The following ITM2B variants were observed in gnomAD, a reference collection of about 807,000 sequenced individuals.
ITM2B encodes the protein integral membrane protein 2B.
A neutral mutation model predicts 27.8 loss-of-function variants in ITM2B; 11 were observed. The ratio of observed to expected loss-of-function variants is 0.40; its 90% confidence interval spans 0.25 to 0.66. ITM2B has a LOEUF of 0.66. Among genes scored for constraint, ITM2B ranks in the 30% least tolerant of loss-of-function variants. The probability of loss-of-function intolerance (pLI) is 0.43; values close to 1 mark genes in which losing one functional copy is unlikely to be tolerated. For synonymous variants in ITM2B, 114 were observed against 114.3 expected (o/e 1.00, Z 0.02); for missense variants, 296 against 328.9 (o/e 0.90, Z 0.77).
At chr13:48,238,236 AAC>A (rs1377365088) in intron 1 of ITM2B, among the ~76,000 whole-genome samples, 1 of 151,966 alleles carries the variant, frequency 6.6e-6, no homozygotes, top group Non-Finnish European at 1.5e-5. Context: ...TAGTACTTAC[AAC>A]ACATATTTTT....
chr13:48,243,869 C>T (rs1323906775), intron 1 of ITM2B, among the ~76,000 whole-genome samples: 1 of 151,910 alleles, frequency 6.6e-6, no homozygotes, highest in African/African-American at 2.4e-5. Flanking sequence ...TAAAAAAAAT[C>T]AGGCTATGTG....
intron 1 of ITM2B, among the ~76,000 whole-genome samples, chr13:48,239,091 CT>C (rs1951685213): frequency 6.6e-6 from 1 of 152,154 alleles, no homozygotes; most frequent in Non-Finnish European, 1.5e-5. Flanking sequence ...CATTTTTATG[CT>C]GGGGAAAATG....
intron 1 of ITM2B, among the ~76,000 whole-genome samples, chr13:48,241,295 TC>T (rs1951698893): frequency 1.3e-5 from 2 of 152,196 alleles, no homozygotes; most frequent in African/African-American, 4.8e-5. Context: ...CACTGCAACT[TC>T]CGCCTCCCAG....
At chr13:48,257,209 T>G (rs1022978778) in intron 3 of ITM2B, among the ~76,000 whole-genome samples, 2 of 152,244 alleles carry the variant, frequency 1.3e-5, no homozygotes, top group African/African-American at 4.8e-5. Context: ...TTTATTATGC[T>G]GTACTCACCT....
intron 1 of ITM2B, among the ~76,000 whole-genome samples, chr13:48,253,298 G>T (rs533215675): frequency 6.6e-6 from 1 of 152,112 alleles, no homozygotes; most frequent in African/African-American, 2.4e-5. Flanking sequence ...TTATTTTCCT[G>T]TAATTTTTTC....
At chr13:48,244,985 T>C (rs1469195505) in intron 1 of ITM2B, among the ~76,000 whole-genome samples, 1 of 152,212 alleles carries the variant, frequency 6.6e-6, no homozygotes, top group Non-Finnish European at 1.5e-5. Flanking sequence ...CCAGTGCCTT[T>C]TACTCACCAA....
intron 4 of ITM2B, 22 bp from the exon 5 acceptor site, chr13:48,258,775 A>T: frequency 6.2e-7 from 1 of 1,609,680 alleles, no homozygotes; most frequent in Non-Finnish European, 8.5e-7. Context: ...TAGTCATGTC[A>T]TGTATTCTTT....
chr13:48,260,845 T>A (rs1452210841), intron 5 of ITM2B, among the ~76,000 whole-genome samples: 2 of 152,126 alleles, frequency 1.3e-5, no homozygotes, highest in Admixed American at 6.6e-5. Flanking sequence ...CACAAGGTCT[T>A]GCAAGCACCA....
In ITM2B at chr13:48,263,934, T is replaced by C. The variant is rs750615091; in HGVS notation, c.*2710T>C. 9 of 152,130 alleles carry C rather than the reference T, an allele frequency of 5.9e-5. No homozygotes were observed. The highest frequency in any genetic ancestry group is 1.2e-4 in the Non-Finnish European group (8 of 68,022). The allele number at this position is 152,130 out of a possible 1,614,324, so 9.4% of individuals were successfully genotyped here. On this transcript the variant is annotated 3_prime_UTR_variant, in exon 6 of 6. Transcript: ENST00000647800. ...ATTCAAACCATAGCAAGTTCCATAA[T>C]GCACCCCATCATATGTGTGTGTGTG...
intron 1 of ITM2B, among the ~76,000 whole-genome samples, chr13:48,235,876 C>T (rs894015104): frequency 6.6e-6 from 1 of 152,208 alleles, no homozygotes; most frequent in Non-Finnish European, 1.5e-5. Flanking sequence ...AAAATGTGCT[C>T]TTAGGGACCA....
intron 2 of ITM2B, among the ~76,000 whole-genome samples, chr13:48,255,284 C>T (rs1318993357): frequency 6.6e-6 from 1 of 151,662 alleles, no homozygotes; most frequent in Non-Finnish European, 1.5e-5. Flanking sequence ...CGCACGTGTA[C>T]ATGTACTGTG....
chr13:48,238,917 T>C lies in ITM2B; in HGVS notation c.117+5440T>C, dbSNP rs1219562423. Among the ~76,000 whole-genome samples the C allele has an allele frequency of 2.0e-5, 3 of 152,322 alleles. No individual in the cohort carries two copies. In the East Asian group the frequency reaches 5.8e-4, roughly 29 times the overall value. On this transcript the variant is annotated intron_variant, in intron 1 of 5. Transcript: ENST00000647800. ...GAGCAGTCAAGATGCAAATTATTTT[T>C]AAAAGTTGTTTGTTTTCAGAATGAG...
chr13:48,257,658 T>C (rs1273076800), intron 3 of ITM2B, among the ~76,000 whole-genome samples: 1 of 152,200 alleles, frequency 6.6e-6, no homozygotes, highest in Non-Finnish European at 1.5e-5. Context: ...AACCGTTCTA[T>C]GAGACAGTCT....
chr13:48,256,526 C>T, intron 3 of ITM2B, 143 bp downstream of exon 3: 1 of 693,390 alleles, frequency 1.4e-6, no homozygotes, highest in Non-Finnish European at 2.5e-6. Flanking sequence ...TCTGCTATGT[C>T]TGAAGCAGAC....
rs9332264 is a variant in ITM2B, at chr13:48,247,151, G to A, written c.118-6657G>A. On this transcript the variant is annotated intron_variant, in intron 1 of 5. Coordinates refer to ENST00000647800, the MANE Select transcript of ITM2B (RefSeq NM_021999.5). Reference sequence around the variant, plus strand: ...GGGAAATCCTAGTTTTTAAAAGTGCGAATCACTAAATTTTTTTAATGTCCC... The same window carrying A: ...GGGAAATCCTAGTTTTTAAAAGTGCAAATCACTAAATTTTTTTAATGTCCC... Among the ~76,000 whole-genome samples the A allele has an allele frequency of 5.3e-5, 8 of 152,154 alleles. No individual in the cohort carries two copies. The South Asian group carries it at 1.0e-3, about 20-fold the overall frequency.
At chr13:48,233,914 C>T (rs1043468428) in intron 1 of ITM2B, among the ~76,000 whole-genome samples, 6 of 152,176 alleles carry the variant, frequency 3.9e-5, no homozygotes, top group African/African-American at 1.4e-4. Flanking sequence ...CTGTTGTTTC[C>T]CACTTTCGTT....
At position 48,249,100 on chromosome 13, in the gene ITM2B, C is replaced by G. The variant is rs535785725; in HGVS notation, c.118-4708C>G. On this transcript the variant is annotated intron_variant, in intron 1 of 5. Transcript: ENST00000647800. ...GTATAAAGTCATATATCCACCCCAACAATCAAGATACGAAAGATTTCCATC... is the reference window on the plus strand; with the variant it reads ...GTATAAAGTCATATATCCACCCCAAGAATCAAGATACGAAAGATTTCCATC... Among the ~76,000 whole-genome samples the G allele has an allele frequency of 7.9e-5, 12 of 152,308 alleles. No individual in the cohort carries two copies. The South Asian group carries it at 2.5e-3, about 32-fold the overall frequency.
chr13:48,260,315 A>C (rs761384163), intron 5 of ITM2B, among the ~76,000 whole-genome samples: 1 of 152,188 alleles, frequency 6.6e-6, no homozygotes, highest in Non-Finnish European at 1.5e-5. Flanking sequence ...GTACATGTGC[A>C]TGTGTCTTTA....
intron 1 of ITM2B, among the ~76,000 whole-genome samples, chr13:48,252,968 A>G (rs977553845): frequency 1.3e-5 from 2 of 152,208 alleles, no homozygotes; most frequent in African/African-American, 4.8e-5. Flanking sequence ...GGGAGGGAAT[A>G]TCTAGGAATT....
Sources: allele counts gnomAD v4.1 joint callset (sites outside exome capture counted in the v4.1 genomes callset), GRCh38; gene constraint gnomAD v4.1.1; transcripts MANE v1.5; gene names NCBI Gene and HGNC (gene_info 2026-07-23, HGNC 2026-07-21).